Variants in CALN1 observed in about 807,000 individuals in gnomAD.
The protein encoded by CALN1 is calcium-binding protein 8.
Under a neutral mutation model 30.6 loss-of-function variants are expected in CALN1, and 17 were observed. The observed-to-expected ratio is 0.56, with a 90% CI of 0.38 to 0.83. The LOEUF (loss-of-function observed/expected upper bound fraction) is 0.83. Among genes scored for constraint, CALN1 ranks in the 40% least tolerant of loss-of-function variants. CALN1 has a pLI of 0.00. For missense variants in CALN1, 291 were observed against 354.9 expected (o/e 0.82, Z 1.45); for synonymous variants, 156 against 131.4 (o/e 1.19, Z -1.28).
chr7:72,337,292 G>C (rs373593024), intron 2 of CALN1: 6 of 985,152 alleles, frequency 6.1e-6, no homozygotes, highest in Non-Finnish European at 7.2e-6. Context: ...CGCCTTGGCC[G>C]CCTGCGCCCC....
intron 5 of CALN1, among the ~76,000 whole-genome samples, chr7:71,974,546 G>T (rs2129526634): frequency 6.6e-6 from 1 of 152,040 alleles, no homozygotes. Context: ...ACCCCTTGAG[G>T]TGTTTTCTTC....
intron 5 of CALN1, among the ~76,000 whole-genome samples, chr7:71,861,215 C>A (rs1196395381): frequency 2.6e-5 from 4 of 151,916 alleles, no homozygotes; most frequent in Non-Finnish European, 2.9e-5. Context: ...TACGCTTATG[C>A]AAGTATAAGC....
intron 2 of CALN1, among the ~76,000 whole-genome samples, chr7:72,303,456 C>G (rs1799432534): frequency 1.3e-5 from 2 of 151,844 alleles, no homozygotes; most frequent in African/African-American, 4.8e-5. Context: ...ACTTGGGAGG[C>G]TGAGACAGGA....
intron 5 of CALN1, among the ~76,000 whole-genome samples, chr7:71,993,608 C>G (rs985977324): frequency 1.3e-5 from 2 of 152,054 alleles, no homozygotes; most frequent in African/African-American, 4.8e-5. Flanking sequence ...AGGTGTGTGT[C>G]AACACACCCA....
chr7:72,454,902 G>A, the CALN1 span, among the ~76,000 whole-genome samples: 12 of 150,598 alleles, frequency 8.0e-5, no homozygotes, highest in East Asian at 3.9e-4. Context: ...CACCATATCC[G>A]CTCACTGCAA....
intron 3 of CALN1, among the ~76,000 whole-genome samples, chr7:72,210,654 T>G (rs1792324600): frequency 6.6e-6 from 1 of 151,982 alleles, no homozygotes; most frequent in African/African-American, 2.4e-5. Flanking sequence ...ACAGCAGATC[T>G]CATAAGAACT....
In CALN1 at chr7:72,123,473, G is replaced by C. The variant is rs570278688; in HGVS notation, c.245-17179C>G. Among the ~76,000 whole-genome samples the C allele has an allele frequency of 3.9e-5, 6 of 152,118 alleles. No homozygotes were observed. The South Asian group carries it at 1.2e-3, about 32-fold the overall frequency. On this transcript the variant is annotated intron_variant, in intron 3 of 6. Transcript: ENST00000395275. ...TTCCTGTCATCATGGGCAAGGGCAC[G>C]CGTAAACACCGCGCCATGTCTTGTT...
chr7:71,847,757 A>AAAGAAGAAGAAGAAGAAAGAAG (rs1790372306), intron 5 of CALN1, among the ~76,000 whole-genome samples: 1 of 125,104 alleles, frequency 8.0e-6, no homozygotes, highest in Non-Finnish European at 1.8e-5. Flanking sequence ...AAGAAAGAAG[A>AAAGAAGAAGAAGAAGAAAGAAG]AAGAAGAAGA....
chr7:72,361,087 A>G (rs990912886), intron 2 of CALN1, among the ~76,000 whole-genome samples: 3 of 152,186 alleles, frequency 2.0e-5, no homozygotes, highest in Middle Eastern at 3.4e-3. Context: ...AGAATGTACT[A>G]CTTTTCATTT....
chr7:71,997,394 C>A (rs1250325428), intron 5 of CALN1, among the ~76,000 whole-genome samples: 2 of 151,882 alleles, frequency 1.3e-5, no homozygotes, highest in Admixed American at 6.6e-5. Context: ...ATTATGAACA[C>A]CAGAAAGAAA....
At chr7:72,367,239 C>A (rs1803932031) in intron 2 of CALN1, among the ~76,000 whole-genome samples, 1 of 152,154 alleles carries the variant, frequency 6.6e-6, no homozygotes, top group Non-Finnish European at 1.5e-5. Flanking sequence ...GTAATCCAAA[C>A]ACTTTGGGAG....
At chr7:71,799,038 G>C (rs1787142116) in intron 6 of CALN1, among the ~76,000 whole-genome samples, 1 of 152,132 alleles carries the variant, frequency 6.6e-6, no homozygotes, top group African/African-American at 2.4e-5. Flanking sequence ...GCTCCATGAA[G>C]ACATGGAGCT....
intron 5 of CALN1, among the ~76,000 whole-genome samples, chr7:71,847,709 A>AAAG (rs1221663921): frequency 9.2e-5 from 11 of 118,928 alleles, no homozygotes; most frequent in Admixed American, 2.6e-4. Flanking sequence ...AAGAAAGAAG[A>AAAG]AAGAAGAAAG....
At position 71,781,983 on chromosome 7, in the gene CALN1, C is replaced by T. The variant is rs900746958; in HGVS notation, c.*5792G>A. The stretch of plus-strand genomic sequence containing the variant: ...TTTTGAACAGTATTGTCATGTCTCT[C>T]GAGACCCTATGAAGAGTCCCAAATG... On this transcript the variant is annotated 3_prime_UTR_variant, in exon 7 of 7. Coordinates refer to ENST00000395275, the MANE Select transcript of CALN1 (RefSeq NM_031468.4). 10 of 152,142 alleles carry T rather than the reference C, an allele frequency of 6.6e-5. No individual in the cohort carries two copies. Among genetic ancestry groups the T allele is most frequent in the Non-Finnish European group, 1.2e-4 (8 of 68,044 alleles). The allele number at this position is 152,142 out of a possible 1,614,324, so 9.4% of individuals were successfully genotyped here.
At chr7:72,356,911 A>T (rs541315315) in intron 2 of CALN1, among the ~76,000 whole-genome samples, 1 of 151,974 alleles carries the variant, frequency 6.6e-6, no homozygotes, top group East Asian at 1.9e-4. Flanking sequence ...GTGCTTGTCA[A>T]CGTATGTCTT....
At position 72,110,593 on chromosome 7, in the gene CALN1, C is replaced by CGT. The variant is rs909786726; in HGVS notation, c.245-4301_245-4300dup. Among the ~76,000 whole-genome samples the CGT allele has an allele frequency of 3.3e-5, 5 of 151,006 alleles. No homozygotes were observed. The South Asian group carries it at 1.0e-3, about 32-fold the overall frequency. The stretch of plus-strand genomic sequence containing the variant: ...GCTCCTGGCTCCCACGTAGAGAATT[C>CGT]GTGTGTGTGTCTATGTGAGTGTGTG... On this transcript the variant is annotated intron_variant, in intron 3 of 6. Coordinates refer to ENST00000395275, the MANE Select transcript of CALN1 (RefSeq NM_031468.4).
intron 2 of CALN1, among the ~76,000 whole-genome samples, chr7:72,376,825 G>GT (rs1466664459): frequency 6.6e-6 from 1 of 152,124 alleles, no homozygotes; most frequent in African/African-American, 2.4e-5. Context: ...TCTAACAATT[G>GT]TAACTTTAGC....
At chr7:72,327,854 T>C (rs975399680) in intron 2 of CALN1, among the ~76,000 whole-genome samples, 10 of 152,184 alleles carry the variant, frequency 6.6e-5, no homozygotes, top group African/African-American at 2.4e-4. Flanking sequence ...AATTTCCTAA[T>C]AATTTGTTTA....
Position 72,205,551 on chromosome 7 carries a change from A to AAATATATACATAT in CALN1, c.244+73134_244+73135insATATGTATATATT. ...ATTTTTCTCCTGATTGCAAAAAAAA[A>AAATATATACATAT]ATATATATATATATATGTATATATA... is the stretch of plus-strand genomic sequence containing the variant. On this transcript the variant is annotated intron_variant, in intron 3 of 6. Transcript: ENST00000395275. Among the ~76,000 whole-genome samples, 641 of 82,896 alleles carry AAATATATACATAT rather than the reference A, an allele frequency of 7.7e-3. 80 individuals carry two copies. The highest frequency in any genetic ancestry group is 0.037 in the East Asian group (42 of 1,144). 54.4% of individuals were successfully genotyped at this position (82,896 alleles called of 152,430 possible).
Sources: gnomAD v4.1 joint callset for allele counts (sites outside exome capture counted in the v4.1 genomes callset) on GRCh38, gnomAD v4.1.1 for gene constraint, MANE v1.5 for transcripts, NCBI Gene and HGNC (gene_info 2026-07-23, HGNC 2026-07-21) for gene names.